Variants in CREBL2 observed in about 807,000 individuals in gnomAD.
CREBL2 encodes the protein cAMP responsive element binding protein like 2, also known as cAMP-responsive element-binding protein-like 2.
In CREBL2, 4 loss-of-function variants were observed where a neutral mutation model predicts 19.5. The observed-to-expected ratio is 0.20, with a 90% CI of 0.10 to 0.47. The LOEUF (loss-of-function observed/expected upper bound fraction) is 0.47, where lower values mean the gene tolerates loss of function less well. CREBL2 is among the 20% of genes least tolerant of loss of function. CREBL2 has a pLI of 0.98. For synonymous variants in CREBL2, 42 were observed against 46.6 expected (o/e 0.90, Z 0.40); for missense variants, 85 against 145.1 (o/e 0.59, Z 2.13).
chr12:12,639,583 G>A (rs976374704), intron 3 of CREBL2, among the ~76,000 whole-genome samples: 2 of 152,162 alleles, frequency 1.3e-5, no homozygotes, highest in African/African-American at 4.8e-5. Flanking sequence ...TTGGCCATTC[G>A]TATGTATTCT....
intron 3 of CREBL2, among the ~76,000 whole-genome samples, chr12:12,640,127 A>G (rs765766292): frequency 6.6e-6 from 1 of 152,182 alleles, no homozygotes; most frequent in Non-Finnish European, 1.5e-5. Context: ...TTGAGAGCAG[A>G]GAAGCGGTCT....
chr12:12,638,928 T>A (rs1393819129), intron 3 of CREBL2, among the ~76,000 whole-genome samples: 1 of 152,204 alleles, frequency 6.6e-6, no homozygotes, highest in African/African-American at 2.4e-5. Flanking sequence ...TTTAATCACC[T>A]CAAAAGAAAA....
intron 1 of CREBL2, among the ~76,000 whole-genome samples, chr12:12,623,563 G>A (rs1047219524): frequency 3.3e-5 from 5 of 152,152 alleles, no homozygotes; most frequent in African/African-American, 9.7e-5. Flanking sequence ...GAAATGCAGG[G>A]GATGGGGTTC....
intron 3 of CREBL2, among the ~76,000 whole-genome samples, chr12:12,641,265 T>TTTTA (rs1555174985): frequency 7.6e-6 from 1 of 130,914 alleles, no homozygotes; most frequent in Non-Finnish European, 1.6e-5. Context: ...TTTTTTTTAT[T>TTTTA]TTTTTTTTTT....
chr12:12,639,755 AAG>A (rs1246345942), intron 3 of CREBL2, among the ~76,000 whole-genome samples: 5 of 152,198 alleles, frequency 3.3e-5, no homozygotes, highest in African/African-American at 1.2e-4. Flanking sequence ...AGACAGTACA[AAG>A]AGAGGAATTT....
intron 3 of CREBL2, among the ~76,000 whole-genome samples, chr12:12,638,297 C>T (rs1173731663): frequency 5.3e-5 from 8 of 152,056 alleles, no homozygotes; most frequent in East Asian, 3.9e-4. Flanking sequence ...AAAAATTAGG[C>T]GCAGTGGTGT....
At chr12:12,634,835 C>G (rs905927790) in intron 1 of CREBL2, among the ~76,000 whole-genome samples, 1 of 152,086 alleles carries the variant, frequency 6.6e-6, no homozygotes, top group Non-Finnish European at 1.5e-5. Context: ...GCAGGAGGAT[C>G]GCTTGAGGCC....
rs1275174435 is a variant in CREBL2, at chr12:12,644,619, G to T, written c.*2621G>T. Reference sequence around the variant, plus strand: ...TAAGTTTGACCAGGTCAAGTTTTAGGATATAGTTGAATTTCTTTAAAAAGT... The same window carrying T: ...TAAGTTTGACCAGGTCAAGTTTTAGTATATAGTTGAATTTCTTTAAAAAGT... On this transcript the variant is annotated 3_prime_UTR_variant, in exon 4 of 4. Coordinates refer to ENST00000228865, the MANE Select transcript of CREBL2 (RefSeq NM_001310.4). 2 of 152,584 alleles carry T rather than the reference G, an allele frequency of 1.3e-5. No individual in the cohort carries two copies. Among genetic ancestry groups the T allele is most frequent in the Non-Finnish European group, 2.9e-5 (2 of 68,034 alleles). 9.5% of individuals were successfully genotyped at this position (152,584 alleles called of 1,614,324 possible).
chr12:12,635,658 T>C, intron 1 of CREBL2, 119 bp from the exon 2 acceptor site: 1 of 1,192,254 alleles, frequency 8.4e-7, no homozygotes, highest in South Asian at 1.6e-5. Flanking sequence ...GCTTTCTTAG[T>C]TCCGTAGGGC....
intron 1 of CREBL2, among the ~76,000 whole-genome samples, chr12:12,618,862 AC>A (rs1945337215): frequency 6.6e-6 from 1 of 152,116 alleles, no homozygotes; most frequent in African/African-American, 2.4e-5. Context: ...ACACAGCGAA[AC>A]CCCGTCTCCA....
At position 12,617,643 on chromosome 12, in the gene CREBL2, C is replaced by CTTTTTTTTTT. The variant is rs66943066; in HGVS notation, c.15+5485_15+5494dup. 7.7e-4 allele frequency among the ~76,000 whole-genome samples: 30 copies of CTTTTTTTTTT among 38,760 alleles called. 1 individual carries two copies. Among genetic ancestry groups the CTTTTTTTTTT allele is most frequent in the Non-Finnish European group, 1.1e-3 (21 of 18,568 alleles). 25.4% of individuals were successfully genotyped at this position (38,760 alleles called of 152,430 possible). A position where few individuals can be genotyped will look rare whatever the true frequency, so the allele number is the denominator to read the frequency against. On this transcript the variant is annotated intron_variant, in intron 1 of 3. Coordinates refer to ENST00000228865, the MANE Select transcript of CREBL2 (RefSeq NM_001310.4). Reference sequence around the variant, plus strand: ...CCCTGAGATGCTCATTTTAGTAATTCTTTTTTTTTTTTTTTTTTTTTTTTT... The same window carrying CTTTTTTTTTT: ...CCCTGAGATGCTCATTTTAGTAATTCTTTTTTTTTTTTTTTTTTTTTTTTTTTTTTTTTTT...
In CREBL2 at chr12:12,619,613, A is replaced by AGAAAAAG. The variant is rs373074057; in HGVS notation, c.15+7427_15+7428insAAAAAGG. Among the ~76,000 whole-genome samples the AGAAAAAG allele has an allele frequency of 2.0e-5, 3 of 151,738 alleles. No individual in the cohort carries two copies. The East Asian group carries it at 5.8e-4, about 29-fold the overall frequency. On this transcript the variant is annotated intron_variant, in intron 1 of 3. Transcript: ENST00000228865. ...GCAGTGGAGCCAGACTCTGTCTCAA[A>AGAAAAAG]GGAAAAAGGAAAGTTTCTTCTCCCT...
intron 1 of CREBL2, among the ~76,000 whole-genome samples, chr12:12,617,580 AAC>A (rs537275282): frequency 1.4e-3 from 203 of 140,856 alleles, no homozygotes; most frequent in African/African-American, 5.0e-3. Flanking sequence ...TATATTACCT[AAC>A]AGTGATTCCT....
intron 1 of CREBL2, among the ~76,000 whole-genome samples, chr12:12,619,025 C>T (rs1275258813): frequency 3.3e-5 from 5 of 151,322 alleles, no homozygotes; most frequent in South Asian, 2.1e-4. Context: ...AGAGGGAGAC[C>T]GTGGAAAGTG....
chr12:12,638,194 A>G (rs1274639369), intron 3 of CREBL2, among the ~76,000 whole-genome samples: 2 of 151,714 alleles, frequency 1.3e-5, no homozygotes, highest in Non-Finnish European at 2.9e-5. Flanking sequence ...TAGTCCCAGC[A>G]CTTTGGGAGG....
At chr12:12,636,007 C>T (rs1221824491) in intron 2 of CREBL2, 33 bp downstream of exon 2, 1 of 1,570,046 alleles carries the variant, frequency 6.4e-7, no homozygotes, top group East Asian at 2.2e-5. Flanking sequence ...ATGAAAAAAT[C>T]ACCTTAACAG....
At position 12,644,357 on chromosome 12, in the gene CREBL2, A is replaced by G. The variant is rs1945548694; in HGVS notation, c.*2359A>G. 6.6e-6 allele frequency: 1 copy of G among 152,280 alleles called. No homozygotes were observed. Among genetic ancestry groups the G allele is most frequent in the South Asian group, 2.1e-4 (1 of 4,824 alleles). The allele number at this position is 152,280 out of a possible 1,614,324, so 9.4% of individuals were successfully genotyped here. A position where few individuals can be genotyped will look rare whatever the true frequency, so the allele number is the denominator to read the frequency against. On this transcript the variant is annotated 3_prime_UTR_variant, in exon 4 of 4. Transcript: ENST00000228865. ...CTTCCCTTTCCAGTGAAGGAGCAGC[A>G]TAGTGAAATCCTGGCACCCCTCACC...
intron 1 of CREBL2, among the ~76,000 whole-genome samples, chr12:12,619,709 C>T (rs897425726): frequency 6.6e-6 from 1 of 152,162 alleles, no homozygotes; most frequent in Non-Finnish European, 1.5e-5. Context: ...ATAGAAGGTT[C>T]TTATTTTTTA....
intron 2 of CREBL2, among the ~76,000 whole-genome samples, chr12:12,637,267 A>T: frequency 6.6e-6 from 1 of 152,052 alleles, no homozygotes; most frequent in East Asian, 1.9e-4. Flanking sequence ...CTAGTGGCAC[A>T]CTGTGGGGAG....
Sources: allele counts gnomAD v4.1 joint callset (sites outside exome capture counted in the v4.1 genomes callset), GRCh38; gene constraint gnomAD v4.1.1; transcripts MANE v1.5; gene names NCBI Gene and HGNC (gene_info 2026-07-23, HGNC 2026-07-21).